Variants in SFI1 observed in about 807,000 individuals in gnomAD.
SFI1 encodes SFI1 centrin binding protein.
Under a neutral mutation model 207.5 loss-of-function variants are expected in SFI1, and 195 were observed. The ratio of observed to expected loss-of-function variants is 0.94; its 90% CI spans 0.84 to 1.06. The LOEUF is 1.06. Among genes scored for constraint, SFI1 ranks in the 50% least tolerant of loss-of-function variants. The pLI, the probability that SFI1 is intolerant of heterozygous loss-of-function variation, is 0.00. For synonymous variants in SFI1, 630 were observed against 598.9 expected (o/e 1.05, Z -0.76); for missense variants, 1,634 against 1,588.0 (o/e 1.03, Z -0.49).
chr22:31,499,476 T>C (rs537291061), intron 1 of SFI1, among the ~76,000 whole-genome samples: 1 of 150,272 alleles, frequency 6.7e-6, no homozygotes, highest in East Asian at 2.0e-4. Context: ...CTGGTGAAAG[T>C]GGTTTCTTGA....
rs2063956085 is a variant in SFI1 at position 31,580,273 on chromosome 22, A to G, written c.1157A>G (p.Tyr386Cys). Residue 386 changes from tyrosine to cysteine, a missense_variant and splice_region_variant, in exon 12 of 33, where the codon TAT (tyrosine) becomes TGT (cysteine). Tyr to Cys is a radical substitution (Grantham distance 194). Transcript: ENST00000400288. ...CAGTTGTGTCCTTTCTTTGCACAGT[A>G]TTTTTGCTTTAGAGCCCTAAAAGAC... The part of the protein sequence containing the change: ...AEEHHRHSQL[Y>C]FCFRALKDNV... The G allele has an allele frequency of 6.2e-7, 1 of 1,612,900 alleles. No homozygotes were observed. The highest frequency in any genetic ancestry group is 8.5e-7 in the Non-Finnish European group (1 of 1,179,064).
chr22:31,533,557 T>G (rs571067543), intron 4 of SFI1, among the ~76,000 whole-genome samples: 32 of 142,416 alleles, frequency 2.2e-4, no homozygotes, highest in African/African-American at 7.7e-4. Flanking sequence ...GGTGTGGCCT[T>G]CAGCTTCAAA....
chr22:31,604,398 A>G lies in SFI1; in HGVS notation c.1971A>G (p.Ala657=). The G allele has an allele frequency of 6.5e-7, 1 of 1,536,480 alleles. No homozygotes were observed. Among genetic ancestry groups the G allele is most frequent in the Non-Finnish European group, 8.7e-7 (1 of 1,144,142 alleles). The change falls in exon 19 of 33, where the codon GCA becomes GCG. Residue 657 remains alanine, a synonymous_variant. Coordinates refer to ENST00000400288, the MANE Select transcript of SFI1 (RefSeq NM_001007467.3). ...QHSVLHRALQ[A]WVTYQGRVRS... ...GCGTGCTGCACAGGGCGCTGCAGGC[A>G]TGGGTGGTAGGAACTGCTGCTTCCC...
intron 6 of SFI1, among the ~76,000 whole-genome samples, chr22:31,554,600 G>A (rs1036231725): frequency 6.4e-5 from 7 of 108,776 alleles, no homozygotes; most frequent in Non-Finnish European, 9.0e-5. Flanking sequence ...GAGCCACTGC[G>A]CCCAGCCTTT....
chr22:31,534,045 G>C (rs1030313063), intron 4 of SFI1, among the ~76,000 whole-genome samples: 2 of 152,066 alleles, frequency 1.3e-5, no homozygotes, highest in African/African-American at 4.8e-5. Flanking sequence ...AGAGTCCTTA[G>C]AATACTTTAG....
chr22:31,585,549 C>G (rs180912340), intron 14 of SFI1, among the ~76,000 whole-genome samples: 129 of 152,224 alleles, frequency 8.5e-4, no homozygotes, highest in Non-Finnish European at 1.3e-3. Context: ...AGGTCAGGAC[C>G]ACAAATAAGT....
intron 12 of SFI1, among the ~76,000 whole-genome samples, chr22:31,581,769 G>A (rs8142002): frequency 0.056 from 8,523 of 151,294 alleles, 221 homozygotes; most frequent in Non-Finnish European, 0.065. Flanking sequence ...AGAAAAATAG[G>A]AAAAAAAAGT....
chr22:31,539,205 C>T (rs543829671), intron 4 of SFI1, among the ~76,000 whole-genome samples: 1 of 152,182 alleles, frequency 6.6e-6, no homozygotes, highest in Non-Finnish European at 1.5e-5. Context: ...AGCATCTCTC[C>T]CCCGAGTGAC....
intron 2 of SFI1, among the ~76,000 whole-genome samples, chr22:31,514,673 T>C (rs1265127457): frequency 1.3e-5 from 2 of 152,118 alleles, no homozygotes; most frequent in African/African-American, 4.8e-5. Flanking sequence ...CACATATAAG[T>C]GAGAACAGGT....
At chr22:31,527,396 C>T (rs910786137) in intron 2 of SFI1, among the ~76,000 whole-genome samples, 5 of 152,090 alleles carry the variant, frequency 3.3e-5, no homozygotes, top group African/African-American at 9.7e-5. Flanking sequence ...ACAGTCTGTT[C>T]GTTCTTCACA....
At position 31,602,806 on chromosome 22, in the gene SFI1, T is replaced by C. The variant is rs746760273; in HGVS notation, c.1805+21T>C. 8 of 1,607,372 alleles carry C rather than the reference T, an allele frequency of 5.0e-6. No individual in the cohort carries two copies. In the Admixed American group the frequency reaches 1.3e-4, roughly 27 times the overall value. On this transcript the variant is annotated intron_variant, in intron 17 of 32. Coordinates refer to ENST00000400288, the MANE Select transcript of SFI1 (RefSeq NM_001007467.3). The stretch of plus-strand genomic sequence containing the variant: ...ACAGAGTGAGTGGCCAGTTCTGCCT[T>C]ACAAGCCTTTCCATCACAGGCCAGC...
chr22:31,516,798 T>C (rs1366521049), intron 2 of SFI1, among the ~76,000 whole-genome samples: 1 of 151,272 alleles, frequency 6.6e-6, no homozygotes, highest in Non-Finnish European at 1.5e-5. Flanking sequence ...CTACTAAAAA[T>C]ACAAAATTTG....
At chr22:31,504,900 T>G (rs1307879991) in intron 1 of SFI1, among the ~76,000 whole-genome samples, 1 of 152,186 alleles carries the variant, frequency 6.6e-6, no homozygotes, top group African/African-American at 2.4e-5. Flanking sequence ...TACTCCCATG[T>G]GACCTCATCT....
intron 3 of SFI1, among the ~76,000 whole-genome samples, chr22:31,529,504 C>G (rs185950093): frequency 2.0e-5 from 3 of 152,128 alleles, no homozygotes; most frequent in Non-Finnish European, 4.4e-5. Context: ...CCAGCCTGGG[C>G]GAGAGTGAGA....
intron 15 of SFI1, among the ~76,000 whole-genome samples, chr22:31,601,481 C>T (rs946171593): frequency 4.6e-5 from 7 of 152,018 alleles, no homozygotes; most frequent in African/African-American, 9.7e-5. Context: ...TTTCCTGGGA[C>T]CCCCCCTCAG....
chr22:31,589,652 C>T, intron 15 of SFI1, 75 bp downstream of exon 15: 1 of 1,490,732 alleles, frequency 6.7e-7, no homozygotes, highest in South Asian at 1.4e-5. Flanking sequence ...AGCCCATTTG[C>T]TGTGCTTTTC....
intron 4 of SFI1, among the ~76,000 whole-genome samples, chr22:31,533,749 G>A (rs2058733023): frequency 6.6e-6 from 1 of 152,090 alleles, no homozygotes; most frequent in Admixed American, 6.6e-5. Context: ...TGCCTTGGTA[G>A]CTCTTCAGTG....
intron 21 of SFI1, among the ~76,000 whole-genome samples, chr22:31,607,403 G>T (rs1603339924): frequency 6.6e-6 from 1 of 151,982 alleles, no homozygotes; most frequent in South Asian, 2.1e-4. Context: ...AGGAGTTCGA[G>T]ACCAACCTGG....
At chr22:31,502,006 C>T (rs917319836) in intron 1 of SFI1, among the ~76,000 whole-genome samples, 3 of 152,164 alleles carry the variant, frequency 2.0e-5, no homozygotes, top group Non-Finnish European at 4.4e-5. Flanking sequence ...TCCAGGGTGG[C>T]ATCCCCCCTT....
Sources: allele counts gnomAD v4.1 joint callset (sites outside exome capture counted in the v4.1 genomes callset), GRCh38; gene constraint gnomAD v4.1.1; transcripts MANE v1.5; gene names NCBI Gene and HGNC (gene_info 2026-07-23, HGNC 2026-07-21).